The following CHRM5 variants were observed in gnomAD, a reference collection of about 807,000 sequenced individuals.
The protein encoded by CHRM5 is muscarinic acetylcholine receptor M5.
A neutral mutation model predicts 39.0 loss-of-function variants in CHRM5; 18 were observed. The observed-to-expected ratio is 0.46, with a 90% CI of 0.32 to 0.68. CHRM5 has a LOEUF of 0.68. Among genes scored for constraint, CHRM5 ranks in the 30% least tolerant of loss-of-function variants. CHRM5 has a pLI of 0.04. For missense variants in CHRM5, 515 were observed against 651.1 expected (o/e 0.79, Z 2.28); for synonymous variants, 241 against 246.3 (o/e 0.98, Z 0.20).
intron 1 of CHRM5, among the ~76,000 whole-genome samples, chr15:34,044,843 G>A (rs923551917): frequency 6.6e-6 from 1 of 152,232 alleles, no homozygotes; most frequent in African/African-American, 2.4e-5. Flanking sequence ...GAGGTCAGGA[G>A]ATGGAGACCA....
chr15:34,011,142 T>C (rs1897619790), intron 1 of CHRM5, among the ~76,000 whole-genome samples: 1 of 152,048 alleles, frequency 6.6e-6, no homozygotes, highest in African/African-American at 2.4e-5. Flanking sequence ...CAGTAAGCTA[T>C]GATCATGCCA....
chr15:34,056,431 A>G (rs1361017258), intron 2 of CHRM5, among the ~76,000 whole-genome samples: 4 of 152,210 alleles, frequency 2.6e-5, no homozygotes, highest in Non-Finnish European at 1.5e-5. Flanking sequence ...CCTCTGAGAA[A>G]GGCTAGATAA....
chr15:34,024,815 C>T (rs1285966803), intron 1 of CHRM5, among the ~76,000 whole-genome samples: 6 of 149,538 alleles, frequency 4.0e-5, no homozygotes, highest in African/African-American at 9.8e-5. Context: ...GAGCCGAGAT[C>T]GTGCCATTGC....
At chr15:34,025,381 T>C (rs2684932) in intron 1 of CHRM5, among the ~76,000 whole-genome samples, 97,633 of 152,090 alleles carry the variant, frequency 0.64, 36,689 homozygotes, top group Non-Finnish European at 0.85. Context: ...GAATAAAAAA[T>C]GAGCAGGAAG....
chr15:34,015,158 A>G (rs1897829724), intron 1 of CHRM5, among the ~76,000 whole-genome samples: 2 of 152,186 alleles, frequency 1.3e-5, no homozygotes, highest in Admixed American at 1.3e-4. Context: ...TATCATAAGG[A>G]AAAAGATAAC....
At chr15:34,027,703 A>C (rs1449262960) in intron 1 of CHRM5, among the ~76,000 whole-genome samples, 7 of 151,952 alleles carry the variant, frequency 4.6e-5, no homozygotes, top group Non-Finnish European at 4.4e-5. Context: ...TCAGGCCTTG[A>C]CGTTATCCAC....
In CHRM5 at chr15:34,061,115, A is replaced by G. The variant is rs7184000; in HGVS notation, c.-75-1528A>G. 8.2e-3 allele frequency among the ~76,000 whole-genome samples: 1,242 copies of G among 151,888 alleles called. 26 individuals are homozygous for G. Among genetic ancestry groups the G allele is most frequent in the South Asian group, 0.029 (138 of 4,798 alleles). ...TCAAATTTATGTTGTATGCATATAT[A>G]TCTCTAGAAGGAAAAATAAATGGTA... On this transcript the variant is annotated intron_variant, in intron 2 of 2. Transcript: ENST00000383263.
intron 1 of CHRM5, among the ~76,000 whole-genome samples, chr15:33,979,337 T>C (rs1896033052): frequency 6.6e-6 from 1 of 151,982 alleles, no homozygotes; most frequent in Non-Finnish European, 1.5e-5. Flanking sequence ...GCCTGGGCAA[T>C]ATGGCAAAAC....
At chr15:34,024,680 G>A (rs1211753061) in intron 1 of CHRM5, among the ~76,000 whole-genome samples, 4 of 145,930 alleles carry the variant, frequency 2.7e-5, no homozygotes, top group African/African-American at 7.7e-5. Flanking sequence ...GTGAAACCCC[G>A]TCTCTACTAA....
intron 1 of CHRM5, chr15:33,991,656 C>T (rs537250505): frequency 3.3e-5 from 5 of 152,032 alleles, no homozygotes; most frequent in Admixed American, 6.5e-5. Flanking sequence ...AATGGATACA[C>T]TTTATCAGTA....
chr15:34,062,571 A>AAG (rs1555521304), intron 2 of CHRM5, 72 bp from the exon 3 acceptor site: 8,536 of 666,928 alleles, frequency 0.013, 223 homozygotes, highest in African/African-American at 0.074. Context: ...AAAAAAAAAA[A>AAG]AAACTATAAA....
Position 34,063,237 on chromosome 15 carries a change from G to C in CHRM5, c.520G>C (p.Gly174Arg). Reference protein sequence around the residue: ...PAILCWQYLVGKRTVPLDECQ... With the variant: ...PAILCWQYLVRKRTVPLDECQ... Reference sequence around the variant, plus strand: ...AATCCTCTGCTGGCAGTACTTGGTTGGGAAGCGGACAGTTCCACTGGATGA... The same window carrying C: ...AATCCTCTGCTGGCAGTACTTGGTTCGGAAGCGGACAGTTCCACTGGATGA... The change falls in exon 3 of 3, where the codon GGG becomes CGG. Residue 174 changes from glycine to arginine, a missense_variant. By Grantham distance (125) the Gly-to-Arg change is moderately radical (BLOSUM62 -2). Coordinates refer to ENST00000383263, the MANE Select transcript of CHRM5 (RefSeq NM_012125.4). The surrounding 1 kb of genome is among the most constrained non-coding windows in gnomAD (Gnocchi z 4.1). 6.2e-7 allele frequency: 1 copy of C among 1,614,176 alleles called. No homozygotes were observed. The highest frequency in any genetic ancestry group is 2.2e-5 in the East Asian group (1 of 44,866).
At chr15:33,976,602 T>A (rs1232132335) in intron 1 of CHRM5, among the ~76,000 whole-genome samples, 1 of 152,200 alleles carries the variant, frequency 6.6e-6, no homozygotes, top group African/African-American at 2.4e-5. Flanking sequence ...AATTTATATA[T>A]CTTTATTTAG....
At chr15:34,059,990 G>A (rs1900283078) in intron 2 of CHRM5, among the ~76,000 whole-genome samples, 1 of 149,728 alleles carries the variant, frequency 6.7e-6, no homozygotes, top group Admixed American at 6.7e-5. Context: ...GGAGAGGAAG[G>A]AAGAAAAGAA....
chr15:34,062,503 T>C (rs575429262), intron 2 of CHRM5, 140 bp from the exon 3 acceptor site: 149 of 483,244 alleles, frequency 3.1e-4, no homozygotes, highest in Admixed American at 3.6e-4. Context: ...TGTAGAGAGC[T>C]GAGATCGCAC....
intron 1 of CHRM5, chr15:34,039,008 CCG>C: frequency 8.9e-7 from 1 of 1,122,200 alleles, no homozygotes; most frequent in South Asian, 3.7e-5. Flanking sequence ...GGCCTGGCCG[CCG>C]CCCACGGCCT....
At chr15:34,017,475 T>C (rs967068309) in intron 1 of CHRM5, among the ~76,000 whole-genome samples, 1 of 35,282 alleles carries the variant, frequency 2.8e-5, no homozygotes, top group Admixed American at 5.6e-4. Context: ...TCAGTATGAT[T>C]TTTTTTTTGT....
At chr15:34,045,066 TA>T (rs1274960362) in intron 1 of CHRM5, among the ~76,000 whole-genome samples, 1 of 152,058 alleles carries the variant, frequency 6.6e-6, no homozygotes, top group Non-Finnish European at 1.5e-5. Flanking sequence ...GTAATAATAA[TA>T]AAAAATAAAG....
chr15:34,005,590 A>C (rs578256039), intron 1 of CHRM5, among the ~76,000 whole-genome samples: 71 of 152,348 alleles, frequency 4.7e-4, no homozygotes, highest in Non-Finnish European at 9.3e-4. Context: ...ATATATAATA[A>C]CTAAGATGGA....
Sources: allele counts gnomAD v4.1 joint callset (sites outside exome capture counted in the v4.1 genomes callset), GRCh38; gene constraint gnomAD v4.1.1; non-coding constraint Gnocchi (gnomAD v3.1); transcripts MANE v1.5; gene names NCBI Gene and HGNC (gene_info 2026-07-23, HGNC 2026-07-21).